Variants in NUP210L observed in about 807,000 individuals in gnomAD.
NUP210L encodes nucleoporin 210 like.
NUP210L carries 74 observed loss-of-function variants against 208.5 expected under a neutral mutation model. That is an observed-to-expected ratio of 0.35 (90% confidence interval 0.29 to 0.43). The LOEUF (loss-of-function observed/expected upper bound fraction) is 0.43. Among genes scored for constraint, NUP210L ranks in the 20% least tolerant of loss-of-function variants. The pLI, the probability that NUP210L is intolerant of heterozygous loss-of-function variation, is 1.00. For synonymous variants in NUP210L, 780 were observed against 816.9 expected (o/e 0.95, Z 0.77); for missense variants, 1,843 against 2,289.4 (o/e 0.81, Z 3.98).
intron 7 of NUP210L, among the ~76,000 whole-genome samples, chr1:154,129,683 G>A (rs529407107): frequency 3.9e-5 from 6 of 152,310 alleles, no homozygotes; most frequent in African/African-American, 1.4e-4. Context: ...GAAACAGGAC[G>A]AAGTGGCTCC....
rs994909517 is a variant in NUP210L at position 154,057,948 on chromosome 1, G to T, written c.3107+141C>A. 11 of 896,738 alleles carry T rather than the reference G, an allele frequency of 1.2e-5. No homozygotes were observed. The African/African-American group carries it at 1.5e-4, about 12-fold the overall frequency. 55.5% of individuals were successfully genotyped at this position (896,738 alleles called of 1,614,324 possible). On this transcript the variant is annotated intron_variant, in intron 22 of 39. Coordinates refer to ENST00000368559, the Ensembl canonical transcript of NUP210L. ...GTAGAGAGCTGAATATGGGAAGAGC[G>T]TATGGGCTGAAATGTATTCTAACAG...
At chr1:154,042,122 C>A (rs533267586) in intron 27 of NUP210L, among the ~76,000 whole-genome samples, 1 of 150,976 alleles carries the variant, frequency 6.6e-6, no homozygotes, top group Non-Finnish European at 1.5e-5. Flanking sequence ...TTTTCTGAGA[C>A]AGGGTCTCAC....
At chr1:154,060,863 T>C in intron 19 of NUP210L, 79 bp downstream of exon 19, 1 of 1,036,290 alleles carries the variant, frequency 9.6e-7, no homozygotes. Flanking sequence ...ATAAGTAAGT[T>C]TTTTAATTGT....
intron 2 of NUP210L, among the ~76,000 whole-genome samples, chr1:154,149,064 T>C (rs1417206797): frequency 7.0e-6 from 1 of 142,290 alleles, no homozygotes; most frequent in African/African-American, 2.6e-5. Flanking sequence ...CTCATCTGAC[T>C]ACTTCAACAG....
intron 28 of NUP210L, among the ~76,000 whole-genome samples, chr1:154,027,891 A>G (rs1479356472): frequency 1.3e-5 from 2 of 152,118 alleles, no homozygotes; most frequent in Non-Finnish European, 2.9e-5. Context: ...CATCTTCCAT[A>G]TTGCTTAGAT....
At chr1:154,058,183 T>G in exon 22 of NUP210L, 1 of 1,614,154 alleles carries the variant, frequency 6.2e-7, no homozygotes, top group Non-Finnish European at 8.5e-7. Flanking sequence ...CCAAGAACCC[T>G]CACAGTCACT....
At chr1:153,996,162 T>TGG (rs1557901030) in intron 37 of NUP210L, among the ~76,000 whole-genome samples, 3 of 151,926 alleles carry the variant, frequency 2.0e-5, no homozygotes, top group Non-Finnish European at 4.4e-5. Context: ...TGTGGTGGCA[T>TGG]GCACCTGTAG....
chr1:154,002,973 T>C lies in NUP210L; in HGVS notation c.4931-988A>G, dbSNP rs1650304497. Among the ~76,000 whole-genome samples, 14 of 151,604 alleles carry C rather than the reference T, an allele frequency of 9.2e-5. No individual in the cohort carries two copies. The South Asian group carries it at 2.9e-3, about 32-fold the overall frequency. On this transcript the variant is annotated intron_variant, in intron 35 of 39. Transcript: ENST00000368559. ...CATTATTTTTATCAATGGTAGGAAC[T>C]GTTTTTCCAGTTACCCATGATTAAT...
intron 25 of NUP210L, among the ~76,000 whole-genome samples, chr1:154,052,791 G>C (rs1222639442): frequency 1.3e-5 from 2 of 152,216 alleles, no homozygotes; most frequent in Non-Finnish European, 2.9e-5. Context: ...TGGGAAGATT[G>C]CACTGCAGAA....
At chr1:154,138,355 T>C (rs181927319) in intron 5 of NUP210L, 117 bp from the exon 6 acceptor site, 13,116 of 911,912 alleles carry the variant, frequency 0.014, 159 homozygotes, top group Non-Finnish European at 0.014. Flanking sequence ...TTTATAAAGA[T>C]TTTTTTAAAA....
At chr1:154,114,783 G>A (rs903988905) in intron 12 of NUP210L, among the ~76,000 whole-genome samples, 1 of 151,288 alleles carries the variant, frequency 6.6e-6, no homozygotes, top group South Asian at 2.1e-4. Flanking sequence ...AGAGATGGGG[G>A]GGGGGGTCTT....
intron 12 of NUP210L, among the ~76,000 whole-genome samples, chr1:154,106,672 C>T (rs1487803117): frequency 6.6e-6 from 1 of 152,178 alleles, no homozygotes; most frequent in African/African-American, 2.4e-5. Flanking sequence ...GAGAGAGAGA[C>T]TCTGTTTGTT....
At chr1:154,087,523 A>G (rs535770548) in intron 16 of NUP210L, among the ~76,000 whole-genome samples, 1 of 152,296 alleles carries the variant, frequency 6.6e-6, no homozygotes, top group Non-Finnish European at 1.5e-5. Context: ...CTTTGGAAAC[A>G]GCTGGAAGTT....
chr1:154,127,332 G>A, exon 9 of NUP210L: 1 of 1,583,176 alleles, frequency 6.3e-7, no homozygotes, highest in South Asian at 1.1e-5. Flanking sequence ...AGACCTTTGT[G>A]CTGCTTTTAT....
chr1:154,141,466 G>A (rs781682250), exon 4 of NUP210L: 188 of 1,612,044 alleles, frequency 1.2e-4, no homozygotes, highest in Non-Finnish European at 1.5e-4. Flanking sequence ...TTGCTGACTC[G>A]TTGTCCTGGG....
chr1:154,086,270 A>G (rs2148039438), intron 16 of NUP210L, among the ~76,000 whole-genome samples: 1 of 152,144 alleles, frequency 6.6e-6, no homozygotes, highest in East Asian at 1.9e-4. Context: ...CCAAAACACA[A>G]TAATGAAGTT....
At chr1:154,072,404 C>G in intron 16 of NUP210L, among the ~76,000 whole-genome samples, 1 of 127,536 alleles carries the variant, frequency 7.8e-6, no homozygotes, top group Middle Eastern at 5.6e-3. Flanking sequence ...GAGATCTCGG[C>G]TCACTGCAAG....
intron 12 of NUP210L, among the ~76,000 whole-genome samples, chr1:154,109,087 T>A (rs532634502): frequency 1.3e-5 from 2 of 150,656 alleles, no homozygotes; most frequent in Non-Finnish European, 2.9e-5. Flanking sequence ...GCAACAAGAG[T>A]GAAACTCCAT....
At chr1:154,101,837 T>G (rs1349231960) in intron 13 of NUP210L, among the ~76,000 whole-genome samples, 1 of 151,810 alleles carries the variant, frequency 6.6e-6, no homozygotes, top group African/African-American at 2.4e-5. Flanking sequence ...ATATGAGAGA[T>G]ATATATGAGA....
Sources: gnomAD v4.1 joint callset for allele counts (sites outside exome capture counted in the v4.1 genomes callset) on GRCh38, gnomAD v4.1.1 for gene constraint, MANE v1.5 for transcripts, NCBI Gene and HGNC (gene_info 2026-07-23, HGNC 2026-07-21) for gene names.